Variants in GLP2R observed in about 807,000 individuals in gnomAD.
GLP2R encodes glucagon-like peptide 2 receptor.
GLP2R carries 59 observed loss-of-function variants against 68.2 expected under a neutral mutation model. That is an observed-to-expected ratio of 0.87 (90% confidence interval 0.70 to 1.07). The LOEUF is 1.07. Ranked by LOEUF, GLP2R falls within the 50% of genes least tolerant of loss-of-function variation. The probability of loss-of-function intolerance (pLI) is 0.00; values close to 1 mark genes in which losing one functional copy is unlikely to be tolerated. For synonymous variants in GLP2R, 270 were observed against 265.4 expected (o/e 1.02, Z -0.17); for missense variants, 548 against 677.4 (o/e 0.81, Z 2.12).
Position 9,889,399 on chromosome 17 carries a change from C to G in GLP2R, c.1356C>G (p.Val452=). The G allele has an allele frequency of 1.2e-6, 2 of 1,613,850 alleles. No homozygotes were observed. The highest frequency in any genetic ancestry group is 1.7e-6 in the Non-Finnish European group (2 of 1,179,748). Residue 452 remains valine, a synonymous_variant, in exon 13 of 13, where the codon GTC becomes GTG. Coordinates refer to ENST00000262441, the MANE Select transcript of GLP2R (RefSeq NM_004246.3). The part of the protein sequence containing the change: ...EVKAELRKYW[V]RFLLARHSGC... ...AGGCTGAGCTGCGGAAATACTGGGT[C>G]CGCTTCTTGCTAGCCCGCCACTCAG...
intron 1 of GLP2R, among the ~76,000 whole-genome samples, chr17:9,826,835 A>G (rs1199968219): frequency 1.3e-5 from 2 of 151,766 alleles, no homozygotes; most frequent in African/African-American, 4.8e-5. Context: ...ACTTCCAGAC[A>G]TTTTTCTACC....
intron 3 of GLP2R, among the ~76,000 whole-genome samples, chr17:9,837,759 G>A (rs2066746588): frequency 6.6e-6 from 1 of 152,082 alleles, no homozygotes; most frequent in Non-Finnish European, 1.5e-5. Context: ...TTAGATTCCT[G>A]TTGCCTTTTA....
intron 10 of GLP2R, among the ~76,000 whole-genome samples, chr17:9,872,411 T>C (rs1430128920): frequency 1.3e-5 from 2 of 152,106 alleles, no homozygotes; most frequent in Non-Finnish European, 2.9e-5. Context: ...ACCCTGTCTC[T>C]ACTAAAAATA....
chr17:9,835,670 T>G (rs1299515354), intron 2 of GLP2R, among the ~76,000 whole-genome samples: 1 of 152,124 alleles, frequency 6.6e-6, no homozygotes, highest in Non-Finnish European at 1.5e-5. Flanking sequence ...TTGATGATTA[T>G]TTAGCTGATT....
At chr17:9,868,508 C>G (rs2067061798) in intron 9 of GLP2R, among the ~76,000 whole-genome samples, 1 of 152,192 alleles carries the variant, frequency 6.6e-6, no homozygotes, top group Admixed American at 6.5e-5. Context: ...CATCTGGTCA[C>G]AAAATCCTGG....
At chr17:9,838,391 C>T (rs1294387589) in intron 3 of GLP2R, among the ~76,000 whole-genome samples, 3 of 152,180 alleles carry the variant, frequency 2.0e-5, no homozygotes. Context: ...TCCGCGGGAG[C>T]TGAAGCTGAA....
intron 8 of GLP2R, 47 bp from the exon 9 acceptor site, chr17:9,861,974 C>T (rs983523547): frequency 1.5e-6 from 2 of 1,323,544 alleles, no homozygotes; most frequent in Non-Finnish European, 2.2e-6. Context: ...TTTCAACCTC[C>T]TCTTGTTTTT....
At chr17:9,865,785 T>C (rs1211248594) in intron 9 of GLP2R, 1 of 470,512 alleles carries the variant, frequency 2.1e-6, no homozygotes, top group East Asian at 6.9e-5. Context: ...ACAATCACCC[T>C]CAGCTCTTAG....
At chr17:9,857,311 T>A in intron 5 of GLP2R, 112 bp from the exon 6 acceptor site, 1 of 905,796 alleles carries the variant, frequency 1.1e-6, no homozygotes, top group South Asian at 1.6e-5. Flanking sequence ...CTCTGCAGCC[T>A]ATACTATGAC....
intron 4 of GLP2R, among the ~76,000 whole-genome samples, chr17:9,847,679 T>C (rs1163970842): frequency 6.6e-6 from 1 of 152,176 alleles, no homozygotes; most frequent in Non-Finnish European, 1.5e-5. Flanking sequence ...GGGTGACTTT[T>C]TTCACTCTTG....
chr17:9,869,448 T>C (rs2067071531), intron 9 of GLP2R, among the ~76,000 whole-genome samples: 1 of 152,210 alleles, frequency 6.6e-6, no homozygotes, highest in African/African-American at 2.4e-5. Flanking sequence ...CCTGTTCTCA[T>C]TCTCCAAGCT....
At position 9,881,467 on chromosome 17, in the gene GLP2R, G is replaced by A. The variant is rs12452168; in HGVS notation, c.1284+951G>A. The stretch of plus-strand genomic sequence containing the variant: ...GGGATCTCGGCTCACTGCAAGCTCC[G>A]CCTCCCGGGTTCACGCCATTCTCCT... On this transcript the variant is annotated intron_variant, in intron 11 of 12. Coordinates refer to ENST00000262441, the MANE Select transcript of GLP2R (RefSeq NM_004246.3). 1.0e-4 allele frequency among the ~76,000 whole-genome samples: 13 copies of A among 127,254 alleles called. No individual in the cohort carries two copies. The East Asian group carries it at 1.0e-3, about 10-fold the overall frequency. The allele number at this position is 127,254 out of a possible 152,430, so 83.5% of individuals were successfully genotyped here.
Position 9,842,634 on chromosome 17 carries a change from A to G in GLP2R, c.504+18A>G, listed in dbSNP as rs757604862. ...AGCAAAACGTGAGTTTGCTCAGCTC[A>G]GTGAGGAGGCATCCAGGGTCCAAAC... On this transcript the variant is annotated intron_variant, in intron 4 of 12. Transcript: ENST00000262441. 1.1e-5 allele frequency: 18 copies of G among 1,612,300 alleles called. No homozygotes were observed. Among genetic ancestry groups the G allele is most frequent in the Non-Finnish European group, 1.5e-5 (18 of 1,179,652 alleles).
chr17:9,889,695 G>A lies in GLP2R; in HGVS notation c.1652G>A (p.Ser551Asn). 6.4e-7 allele frequency: 1 copy of A among 1,559,506 alleles called. No homozygotes were observed. The highest frequency in any genetic ancestry group is 2.0e-4 in the Middle Eastern group (1 of 5,012). The change falls in exon 13 of 13, where the codon AGT (serine) becomes AAT (asparagine). Residue 551 changes from serine (S) to asparagine (N), a missense_variant. Physicochemically the swap from Ser to Asn is conservative, Grantham distance 46. Transcript: ENST00000262441. ...ANTMEEILEE[S>N]EI ...ACCATGGAGGAGATTCTGGAAGAGA[G>A]TGAGATCTAGGGTGGAGTTCCACCA... is the stretch of plus-strand genomic sequence containing the variant.
At chr17:9,853,809 T>C (rs2066912762) in intron 4 of GLP2R, among the ~76,000 whole-genome samples, 1 of 152,162 alleles carries the variant, frequency 6.6e-6, no homozygotes, top group Non-Finnish European at 1.5e-5. Flanking sequence ...ATAATGCCAA[T>C]TCTACATGAA....
intron 4 of GLP2R, among the ~76,000 whole-genome samples, chr17:9,847,300 G>A (rs972773432): frequency 2.7e-5 from 4 of 150,460 alleles, no homozygotes; most frequent in African/African-American, 4.9e-5. Context: ...ACGGAGTTTC[G>A]CTCTTGTTGC....
At chr17:9,879,640 A>G (rs979277929) in intron 10 of GLP2R, among the ~76,000 whole-genome samples, 29 of 152,362 alleles carry the variant, frequency 1.9e-4, no homozygotes, top group African/African-American at 6.0e-4. Flanking sequence ...AACCACCAGT[A>G]TGCAACATTT....
intron 10 of GLP2R, among the ~76,000 whole-genome samples, chr17:9,872,421 A>G (rs1426766695): frequency 6.6e-6 from 1 of 152,180 alleles, no homozygotes; most frequent in Non-Finnish European, 1.5e-5. Context: ...TACTAAAAAT[A>G]CAAAAATTAG....
chr17:9,840,842 T>A (rs771852162), intron 3 of GLP2R, among the ~76,000 whole-genome samples: 19 of 152,138 alleles, frequency 1.2e-4, no homozygotes, highest in Non-Finnish European at 2.1e-4. Context: ...GGACCATGCC[T>A]GGCCTGTTCC....
Sources: gnomAD v4.1 joint callset for allele counts (sites outside exome capture counted in the v4.1 genomes callset) on GRCh38, gnomAD v4.1.1 for gene constraint, MANE v1.5 for transcripts, NCBI Gene and HGNC (gene_info 2026-07-23, HGNC 2026-07-21) for gene names.